The following CNTNAP4 variants were observed in gnomAD, a reference collection of about 807,000 sequenced individuals.
CNTNAP4 encodes contactin associated protein family member 4, also known as contactin-associated protein-like 4.
CNTNAP4 carries 98 observed loss-of-function variants against 148.4 expected under a neutral mutation model. The observed-to-expected ratio is 0.66, with a 90% CI of 0.56 to 0.78. The LOEUF (loss-of-function observed/expected upper bound fraction) is 0.78. CNTNAP4 is among the 30% of genes least tolerant of loss of function. CNTNAP4 has a pLI of 0.00. For missense variants in CNTNAP4, 1,935 were observed against 1,565.6 expected (o/e 1.24, Z -3.98); for synonymous variants, 730 against 565.1 (o/e 1.29, Z -4.14).
Position 76,521,139 on chromosome 16 carries a change from G to T in CNTNAP4, c.2366-1G>T. 1.9e-6 allele frequency: 3 copies of T among 1,563,426 alleles called. No homozygotes were observed. Among genetic ancestry groups the T allele is most frequent in the African/African-American group, 1.4e-5 (1 of 71,154 alleles). ...TTTTCTTTTTTTTTTTCACAAAACA[G>T]GATCATTTTGGAATTCAGCTTCCTT... On this transcript the variant is annotated splice_acceptor_variant, in intron 15 of 23. Coordinates refer to ENST00000611870, the MANE Select transcript of CNTNAP4 (RefSeq NM_033401.5). LOFTEE classifies it high-confidence loss of function.
chr16:76,503,570 G>A (rs962788090), intron 15 of CNTNAP4, among the ~76,000 whole-genome samples: 1 of 152,052 alleles, frequency 6.6e-6, no homozygotes, highest in Non-Finnish European at 1.5e-5. Flanking sequence ...GGGTACATGT[G>A]CACAATGTGC....
intron 2 of CNTNAP4, among the ~76,000 whole-genome samples, chr16:76,321,864 T>G: frequency 6.6e-6 from 1 of 151,996 alleles, no homozygotes; most frequent in Admixed American, 6.5e-5. Flanking sequence ...TAACCAATAC[T>G]TTCTGTATGA....
intron 1 of CNTNAP4, among the ~76,000 whole-genome samples, chr16:76,315,494 A>T (rs1961621942): frequency 6.6e-6 from 1 of 152,292 alleles, no homozygotes; most frequent in African/African-American, 2.4e-5. Context: ...CTTGGCCTAC[A>T]TTTTGCTAGT....
At chr16:76,405,778 T>G (rs1455325419) in intron 3 of CNTNAP4, among the ~76,000 whole-genome samples, 2 of 152,082 alleles carry the variant, frequency 1.3e-5, no homozygotes, top group Non-Finnish European at 2.9e-5. Flanking sequence ...GGGTCAACTG[T>G]ATTTTGGAAA....
At chr16:76,349,675 C>T (rs1226013602) in intron 2 of CNTNAP4, among the ~76,000 whole-genome samples, 1 of 152,028 alleles carries the variant, frequency 6.6e-6, no homozygotes, top group Non-Finnish European at 1.5e-5. Context: ...TGGAGGGAAA[C>T]TTTCTTATGA....
chr16:76,439,268 A>G (rs1012779241), intron 4 of CNTNAP4, among the ~76,000 whole-genome samples: 1 of 152,210 alleles, frequency 6.6e-6, no homozygotes, highest in South Asian at 2.1e-4. Flanking sequence ...TCACAAATGT[A>G]TTACATTCAT....
intron 2 of CNTNAP4, among the ~76,000 whole-genome samples, chr16:76,328,076 T>C (rs1963169679): frequency 6.6e-6 from 1 of 152,210 alleles, no homozygotes; most frequent in Non-Finnish European, 1.5e-5. Flanking sequence ...ATAATTTATA[T>C]AGATTTTCTC....
intron 3 of CNTNAP4, among the ~76,000 whole-genome samples, chr16:76,361,169 G>A (rs571943335): frequency 8.6e-5 from 13 of 151,996 alleles, no homozygotes; most frequent in African/African-American, 2.9e-4. Context: ...GAAATCTAAC[G>A]TCTTGACAAA....
At chr16:76,546,599 T>C (rs2084745497) in intron 21 of CNTNAP4, among the ~76,000 whole-genome samples, 1 of 152,216 alleles carries the variant, frequency 6.6e-6, no homozygotes, top group Non-Finnish European at 1.5e-5. Flanking sequence ...TTATGGCCAA[T>C]TGTATAATTA....
chr16:76,356,221 T>G (rs2012623125), intron 3 of CNTNAP4, among the ~76,000 whole-genome samples: 1 of 152,202 alleles, frequency 6.6e-6, no homozygotes, highest in Non-Finnish European at 1.5e-5. Flanking sequence ...GTTCCTTTTA[T>G]TTCTTCTGAT....
At chr16:76,440,253 A>G (rs1273522528) in intron 4 of CNTNAP4, among the ~76,000 whole-genome samples, 1 of 152,104 alleles carries the variant, frequency 6.6e-6, no homozygotes, top group African/African-American at 2.4e-5. Flanking sequence ...AAAAGACTCT[A>G]GTGTCTTTTT....
chr16:76,424,941 G>A (rs770081732), intron 3 of CNTNAP4, among the ~76,000 whole-genome samples: 1 of 152,144 alleles, frequency 6.6e-6, no homozygotes, highest in African/African-American at 2.4e-5. Context: ...TTTTTTAGGT[G>A]AATCATCGGG....
intron 8 of CNTNAP4, 58 bp downstream of exon 8, chr16:76,452,827 G>A: frequency 7.0e-7 from 1 of 1,437,384 alleles, no homozygotes; most frequent in South Asian, 1.6e-5. Context: ...CATTATCTCT[G>A]TGGCCAAATT....
chr16:76,368,052 G>C (rs1475773201), intron 3 of CNTNAP4, among the ~76,000 whole-genome samples: 1 of 152,140 alleles, frequency 6.6e-6, no homozygotes, highest in Non-Finnish European at 1.5e-5. Context: ...ATTTCAATTA[G>C]CTGCAAAGTA....
chr16:76,334,176 TATAATAATA>T (rs56790152), intron 2 of CNTNAP4, among the ~76,000 whole-genome samples: 14 of 149,384 alleles, frequency 9.4e-5, no homozygotes, highest in East Asian at 3.9e-4. Context: ...AAACTTAAAG[TATAATAATA>T]ATAATAATAA....
intron 1 of CNTNAP4, among the ~76,000 whole-genome samples, chr16:76,306,412 ATC>A (rs926687422): frequency 6.6e-5 from 10 of 152,120 alleles, no homozygotes; most frequent in Admixed American, 3.9e-4. Flanking sequence ...CGACTCCCCA[ATC>A]TCTACAAAAA....
intron 4 of CNTNAP4, among the ~76,000 whole-genome samples, chr16:76,445,825 C>T (rs1223520191): frequency 6.6e-6 from 1 of 152,126 alleles, no homozygotes; most frequent in Non-Finnish European, 1.5e-5. Flanking sequence ...TTAAGTGATA[C>T]ATTAACTCGG....
intron 3 of CNTNAP4, among the ~76,000 whole-genome samples, chr16:76,383,461 A>G (rs1486103771): frequency 6.6e-6 from 1 of 151,646 alleles, no homozygotes; most frequent in African/African-American, 2.4e-5. Context: ...GGGAAACATT[A>G]TAGAACAAAT....
At chr16:76,416,971 C>T (rs1237856275) in intron 3 of CNTNAP4, among the ~76,000 whole-genome samples, 1 of 151,260 alleles carries the variant, frequency 6.6e-6, no homozygotes, top group Non-Finnish European at 1.5e-5. Context: ...TCTTGCTATC[C>T]CAAGTAATCT....
Sources: allele counts gnomAD v4.1 joint callset (sites outside exome capture counted in the v4.1 genomes callset), GRCh38; gene constraint gnomAD v4.1.1; transcripts MANE v1.5; gene names NCBI Gene and HGNC (gene_info 2026-07-23, HGNC 2026-07-21).